CASZ1: variants seen among roughly 807,000 people sequenced by gnomAD.
CASZ1 encodes the protein zinc finger protein castor homolog 1.
CASZ1 carries 28 observed loss-of-function variants against 135.2 expected under a neutral mutation model. That is an observed-to-expected ratio of 0.21 (90% CI 0.15 to 0.28). The LOEUF (loss-of-function observed/expected upper bound fraction) is 0.28, where lower values mean the gene tolerates loss of function less well. Ranked by LOEUF, CASZ1 falls within the 10% of genes least tolerant of loss-of-function variation. The pLI is 1.00. For missense variants in CASZ1, 2,161 were observed against 2,453.3 expected (o/e 0.88, Z 2.52); for synonymous variants, 1,068 against 1,073.4 (o/e 0.99, Z 0.10).
rs764189168 is a variant in CASZ1 at position 10,649,469 on chromosome 1, G to C, written c.2881-32C>G. ...GGGACAGAGGCCGAGCATGGGGCTG[G>C]GGTAGCTTAGAACACAGACACGGCA... On this transcript the variant is annotated intron_variant, in intron 13 of 20. Coordinates refer to ENST00000377022, the MANE Select transcript of CASZ1 (RefSeq NM_001079843.3). 5 of 1,580,764 alleles carry C rather than the reference G, an allele frequency of 3.2e-6. No individual in the cohort carries two copies. In the African/African-American group the frequency reaches 5.4e-5, roughly 17 times the overall value.
intron 3 of CASZ1, among the ~76,000 whole-genome samples, chr1:10,696,066 A>G (rs1638927652): frequency 6.6e-6 from 1 of 152,274 alleles, no homozygotes; most frequent in African/African-American, 2.4e-5. Context: ...TTTTTGCAAT[A>G]TTTCTATTTT....
At chr1:10,681,397 C>T (rs150949357) in intron 4 of CASZ1, among the ~76,000 whole-genome samples, 123 of 152,254 alleles carry the variant, frequency 8.1e-4, no homozygotes, top group African/African-American at 2.9e-3. Flanking sequence ...AGGCAGCGCC[C>T]GCCTCTCCCT....
intron 1 of CASZ1, among the ~76,000 whole-genome samples, chr1:10,771,919 C>T (rs1173622961): frequency 6.6e-6 from 1 of 152,198 alleles, no homozygotes; most frequent in Non-Finnish European, 1.5e-5. Flanking sequence ...TGTCCCGTCC[C>T]AGCCCAGTTA....
At position 10,738,469 on chromosome 1, in the gene CASZ1, C is replaced by T. The variant is rs183616890; in HGVS notation, c.-77+22232G>A. 5.0e-4 allele frequency among the ~76,000 whole-genome samples: 76 copies of T among 152,350 alleles called. No individual in the cohort carries two copies. In the East Asian group the frequency reaches 0.012, roughly 24 times the overall value. On this transcript the variant is annotated intron_variant, in intron 2 of 20. Transcript: ENST00000377022. The stretch of plus-strand genomic sequence containing the variant: ...AGGACAATGGCTGGCAGAGAGGCCA[C>T]CTGCCTGCTGGCTGTGGACACAGGC...
At chr1:10,765,417 A>G (rs1640456199) in intron 1 of CASZ1, among the ~76,000 whole-genome samples, 1 of 151,792 alleles carries the variant, frequency 6.6e-6, no homozygotes. Context: ...AAAAAAATCC[A>G]CATCTTAATA....
At chr1:10,779,239 C>T (rs886457112) in intron 1 of CASZ1, among the ~76,000 whole-genome samples, 2 of 151,114 alleles carry the variant, frequency 1.3e-5, no homozygotes, top group Non-Finnish European at 2.9e-5. Flanking sequence ...AAGCTGGCAC[C>T]GGCTGGTGAG....
chr1:10,648,194 G>A, intron 15 of CASZ1, 55 bp from the exon 16 acceptor site: 1 of 1,274,884 alleles, frequency 7.8e-7, no homozygotes, highest in Non-Finnish European at 1.1e-6. Context: ...AGGTGTGGAG[G>A]GGCATGCATG....
chr1:10,673,456 C>T (rs942552468), intron 4 of CASZ1, among the ~76,000 whole-genome samples: 4 of 152,016 alleles, frequency 2.6e-5, no homozygotes, highest in African/African-American at 7.2e-5. Context: ...TGCACACACG[C>T]GCGTGCACGC....
Position 10,762,542 on chromosome 1 carries a change from C to T in CASZ1, c.-233-1685G>A, listed in dbSNP as rs1640397270. On this transcript the variant is annotated intron_variant, in intron 1 of 20. Transcript: ENST00000377022. This position sits in a 1 kb window ranked among gnomAD's most constrained non-coding sequence, Gnocchi z 4.1. The stretch of plus-strand genomic sequence containing the variant: ...AGAATCCCCCAAAGCCCTGGGCAGC[C>T]CGTCCACCCACAAAACTCCCCTGGG... Among the ~76,000 whole-genome samples, 1 of 152,128 alleles carries T rather than the reference C, an allele frequency of 6.6e-6. No individual in the cohort carries two copies. The highest frequency in any genetic ancestry group is 6.5e-5 in the Admixed American group (1 of 15,282).
rs1435724124 is a variant in CASZ1 at position 10,725,318 on chromosome 1, T to C, written c.-76-19774A>G. 6.6e-6 allele frequency among the ~76,000 whole-genome samples: 1 copy of C among 152,228 alleles called. No individual in the cohort carries two copies. The highest frequency in any genetic ancestry group is 2.4e-5 in the African/African-American group (1 of 41,460). ...AACACCGTGGCCGCCTCCCGCTGCA[T>C]GCGTGTGGCTGTCAGCTGAGCTCCC... On this transcript the variant is annotated intron_variant, in intron 2 of 20. Coordinates refer to ENST00000377022, the MANE Select transcript of CASZ1 (RefSeq NM_001079843.3). This position sits in a 1 kb window ranked among gnomAD's most constrained non-coding sequence, Gnocchi z 4.4.
At chr1:10,781,929 A>G (rs1640769768) in intron 1 of CASZ1, among the ~76,000 whole-genome samples, 1 of 152,224 alleles carries the variant, frequency 6.6e-6, no homozygotes, top group Admixed American at 6.5e-5. Flanking sequence ...CGAGGACTTT[A>G]CCACTATCCT....
chr1:10,787,888 C>A (rs1189169468), intron 1 of CASZ1, among the ~76,000 whole-genome samples: 1 of 152,180 alleles, frequency 6.6e-6, no homozygotes, highest in African/African-American at 2.4e-5. Flanking sequence ...TCCCACACAT[C>A]CCCTTTAAAA....
intron 4 of CASZ1, among the ~76,000 whole-genome samples, chr1:10,675,173 A>G (rs1290649460): frequency 6.6e-6 from 1 of 152,234 alleles, no homozygotes; most frequent in East Asian, 1.9e-4. Context: ...GTGACTTATT[A>G]AAGTTTAAAC....
intron 4 of CASZ1, among the ~76,000 whole-genome samples, chr1:10,688,512 G>T (rs985097725): frequency 6.6e-6 from 1 of 152,116 alleles, no homozygotes; most frequent in Non-Finnish European, 1.5e-5. Flanking sequence ...GTCCCTTAAG[G>T]CCACTCTTTC....
rs1638971554 is a variant in CASZ1, at chr1:10,697,832, C to G, written c.-23-3920G>C. Among the ~76,000 whole-genome samples the G allele has an allele frequency of 6.6e-6, 1 of 152,258 alleles. No individual in the cohort carries two copies. The highest frequency in any genetic ancestry group is 2.1e-4 in the South Asian group (1 of 4,838). ...GGGCACAGAAGCCTTGGCCAAAGGACTGCGTGTGCCTGCGAACAAGCATGT... is the reference window on the plus strand; with the variant it reads ...GGGCACAGAAGCCTTGGCCAAAGGAGTGCGTGTGCCTGCGAACAAGCATGT... On this transcript the variant is annotated intron_variant, in intron 3 of 20. Coordinates refer to ENST00000377022, the MANE Select transcript of CASZ1 (RefSeq NM_001079843.3). This position sits in a 1 kb window ranked among gnomAD's most constrained non-coding sequence, Gnocchi z 4.7.
chr1:10,749,563 C>T (rs1460598091), intron 2 of CASZ1, among the ~76,000 whole-genome samples: 6 of 152,070 alleles, frequency 3.9e-5, no homozygotes, highest in Non-Finnish European at 1.5e-5. Context: ...TCCTTTTATG[C>T]TGCAAACTTC....
intron 2 of CASZ1, among the ~76,000 whole-genome samples, chr1:10,744,700 T>C (rs888119209): frequency 1.1e-4 from 14 of 127,812 alleles, no homozygotes; most frequent in Non-Finnish European, 3.2e-5. Context: ...AGCAGGCATG[T>C]CCTGGGCACC....
chr1:10,700,022 AAGAGAGAGAGAGAC>A lies in CASZ1; in HGVS notation c.-24+5456_-24+5469del, dbSNP rs989352040. Among the ~76,000 whole-genome samples, 108 of 146,080 alleles carry A rather than the reference AAGAGAGAGAGAGAC, an allele frequency of 7.4e-4. 1 individual carries two copies. The highest frequency in any genetic ancestry group is 2.5e-3 in the African/African-American group (98 of 39,132). ...AGAGAGAGAGAAACAGAGACAGAGA[AAGAGAGAGAGAGAC>A]AGAGAGAGAGAGAAAGAGAGACAGA... On this transcript the variant is annotated intron_variant, in intron 3 of 20. Transcript: ENST00000377022. This position sits in a 1 kb window ranked among gnomAD's most constrained non-coding sequence, Gnocchi z 4.2.
At chr1:10,745,371 G>A (rs1018312103) in intron 2 of CASZ1, among the ~76,000 whole-genome samples, 6 of 147,084 alleles carry the variant, frequency 4.1e-5, no homozygotes, top group East Asian at 2.0e-4. Flanking sequence ...CCCCAACTGC[G>A]AGAGTAAGCC....
Sources: allele counts gnomAD v4.1 joint callset (sites outside exome capture counted in the v4.1 genomes callset), GRCh38; gene constraint gnomAD v4.1.1; non-coding constraint Gnocchi (gnomAD v3.1); transcripts MANE v1.5; gene names NCBI Gene and HGNC (gene_info 2026-07-23, HGNC 2026-07-21).